COL19A1: variants seen among roughly 807,000 people sequenced by gnomAD.
COL19A1 encodes the protein collagen alpha-1(XIX) chain.
Under a neutral mutation model 190.2 loss-of-function variants are expected in COL19A1, and 159 were observed. The ratio of observed to expected loss-of-function variants is 0.84; its 90% CI spans 0.73 to 0.95. The LOEUF (loss-of-function observed/expected upper bound fraction) is 0.95, where lower values mean the gene tolerates loss of function less well. Ranked by LOEUF, COL19A1 falls within the 40% of genes least tolerant of loss-of-function variation. The probability of loss-of-function intolerance (pLI) is 0.00; values close to 1 mark genes in which losing one functional copy is unlikely to be tolerated. For synonymous variants in COL19A1, 509 were observed against 458.9 expected, an observed-to-expected ratio of 1.11 and a Z score of -1.39; for missense variants, 1,418 against 1,431.9, an observed-to-expected ratio of 0.99 and a Z score of 0.16.
intron 15 of COL19A1, among the ~76,000 whole-genome samples, chr6:70,084,123 C>T (rs1438369337): frequency 1.3e-5 from 2 of 152,092 alleles, no homozygotes; most frequent in Non-Finnish European, 2.9e-5. Context: ...ATAGCTAAAA[C>T]ACCCTCAAGT....
Position 70,156,688 on chromosome 6 carries a change from G to T in COL19A1, c.2257G>T (p.Gly753Cys). 6.2e-7 allele frequency: 1 copy of T among 1,611,690 alleles called. No homozygotes were observed. The highest frequency in any genetic ancestry group is 1.1e-5 in the South Asian group (1 of 90,934). Residue 753 changes from glycine (G) to cysteine (C), a missense_variant, in exon 34 of 51, where the codon GGC (glycine) becomes TGC (cysteine). Transcript: ENST00000620364. ...EGPKGSKGER[G>C]YPGIPGEKGD... ...TTTTTAGGGAAGCAAAGGAGAGCGG[G>T]GCTACCCTGGGATACCTGGGGAGAA...
At chr6:70,188,952 A>T (rs1766693829) in intron 47 of COL19A1, among the ~76,000 whole-genome samples, 1 of 152,222 alleles carries the variant, frequency 6.6e-6, no homozygotes, top group African/African-American at 2.4e-5. Context: ...TGCAATTTTC[A>T]TACTTCTATA....
Position 70,177,086 on chromosome 6 carries a change from T to A in COL19A1, c.2667+522T>A, listed in dbSNP as rs570310863. On this transcript the variant is annotated intron_variant, in intron 42 of 50. Transcript: ENST00000620364. Reference sequence around the variant, plus strand: ...TTGTTGCTCTCTGGTGTCAAATGTTTTAATCTCATCAAGGCCTTTTCAAAT... The same window carrying A: ...TTGTTGCTCTCTGGTGTCAAATGTTATAATCTCATCAAGGCCTTTTCAAAT... 2.0e-5 allele frequency among the ~76,000 whole-genome samples: 3 copies of A among 152,314 alleles called. No homozygotes were observed. The East Asian group carries it at 5.8e-4, about 29-fold the overall frequency.
At chr6:69,966,828 T>A (rs1311048718) in intron 11 of COL19A1, among the ~76,000 whole-genome samples, 4 of 151,572 alleles carry the variant, frequency 2.6e-5, no homozygotes, top group Non-Finnish European at 4.4e-5. Flanking sequence ...TTCATTCACG[T>A]GCTCTTCACT....
At position 69,931,502 on chromosome 6, in the gene COL19A1, A is replaced by G. The variant is rs189744370; in HGVS notation, c.667-1281A>G. ...ATGGATGGTACATAATAGGATTTCA[A>G]TATTTATTGACTATTTTGATAACAG... On this transcript the variant is annotated intron_variant, in intron 6 of 50. Coordinates refer to ENST00000620364, the MANE Select transcript of COL19A1 (RefSeq NM_001858.6). 2.5e-3 allele frequency among the ~76,000 whole-genome samples: 387 copies of G among 152,290 alleles called. 7 individuals carry two copies. Among genetic ancestry groups the G allele is most frequent in the Non-Finnish European group, 9.0e-4 (61 of 68,008 alleles).
intron 13 of COL19A1, among the ~76,000 whole-genome samples, chr6:70,035,344 T>C (rs1488369363): frequency 1.3e-5 from 2 of 152,230 alleles, no homozygotes; most frequent in Admixed American, 1.3e-4. Context: ...TGGAAATTTG[T>C]ATTCACATAG....
intron 27 of COL19A1, among the ~76,000 whole-genome samples, chr6:70,147,529 G>A (rs1473342355): frequency 6.6e-6 from 1 of 152,078 alleles, no homozygotes; most frequent in African/African-American, 2.4e-5. Flanking sequence ...GGAAATAAAT[G>A]GTTATTCTAA....
chr6:69,950,249 C>A (rs987697034), intron 9 of COL19A1, among the ~76,000 whole-genome samples: 6 of 151,906 alleles, frequency 3.9e-5, no homozygotes, highest in African/African-American at 1.2e-4. Context: ...CACTAAACAA[C>A]ACAATTTTAT....
intron 12 of COL19A1, among the ~76,000 whole-genome samples, chr6:70,030,721 A>G (rs577983943): frequency 1.3e-5 from 2 of 152,140 alleles, no homozygotes; most frequent in Non-Finnish European, 2.9e-5. Flanking sequence ...TTCTCTGCTC[A>G]GTGAATGGGA....
intron 18 of COL19A1, 90 bp from the exon 19 acceptor site, chr6:70,137,588 TAGTTAGC>T: frequency 9.2e-7 from 1 of 1,090,744 alleles, no homozygotes; most frequent in Non-Finnish European, 1.4e-6. Context: ...ATAAATTGTA[TAGTTAGC>T]AGGAGAGCAA....
At chr6:69,915,507 T>C (rs1484845308) in intron 4 of COL19A1, among the ~76,000 whole-genome samples, 2 of 152,182 alleles carry the variant, frequency 1.3e-5, no homozygotes, top group Admixed American at 6.5e-5. Context: ...ATTTGTTCAG[T>C]TGATACCCTC....
chr6:69,923,131 A>T (rs893498605), intron 4 of COL19A1, among the ~76,000 whole-genome samples: 2 of 152,188 alleles, frequency 1.3e-5, no homozygotes, highest in African/African-American at 2.4e-5. Flanking sequence ...ACTCCTCAAA[A>T]AAAGCAATAA....
At chr6:70,146,589 T>C (rs756241334) in intron 25 of COL19A1, 70 bp from the exon 26 acceptor site, 67 of 1,142,148 alleles carry the variant, frequency 5.9e-5, no homozygotes, top group Non-Finnish European at 8.0e-5. Context: ...AAACATATTT[T>C]AGTTATAACT....
At chr6:69,942,272 G>A (rs1562019916) in intron 9 of COL19A1, among the ~76,000 whole-genome samples, 1 of 152,050 alleles carries the variant, frequency 6.6e-6, no homozygotes, top group East Asian at 1.9e-4. Flanking sequence ...CGTATTTATG[G>A]AGTAAAGTGT....
At chr6:69,956,005 C>T (rs1049209021) in intron 9 of COL19A1, among the ~76,000 whole-genome samples, 1 of 151,930 alleles carries the variant, frequency 6.6e-6, no homozygotes, top group Non-Finnish European at 1.5e-5. Context: ...TCATCAGATT[C>T]TTTGGTGGAG....
chr6:70,112,210 A>G (rs1784322170), intron 16 of COL19A1, among the ~76,000 whole-genome samples: 1 of 152,130 alleles, frequency 6.6e-6, no homozygotes, highest in African/African-American at 2.4e-5. Flanking sequence ...TTCCTAAGGT[A>G]TGGTTTTTGT....
At chr6:70,205,103 A>G (rs778973760) in intron 49 of COL19A1, among the ~76,000 whole-genome samples, 7 of 152,308 alleles carry the variant, frequency 4.6e-5, no homozygotes, top group Middle Eastern at 3.4e-3. Context: ...AATATCTTTA[A>G]CACAATTTTC....
intron 14 of COL19A1, among the ~76,000 whole-genome samples, chr6:70,037,012 G>C (rs1445499443): frequency 1.3e-5 from 2 of 152,108 alleles, no homozygotes; most frequent in Non-Finnish European, 2.9e-5. Context: ...GAACTAAATA[G>C]ATAACTTACT....
intron 12 of COL19A1, among the ~76,000 whole-genome samples, chr6:70,031,139 A>G: frequency 6.7e-6 from 1 of 150,108 alleles, no homozygotes. Flanking sequence ...TTAACCCCCT[A>G]CTCCTTACCT....
Sources: gnomAD v4.1 joint callset for allele counts (sites outside exome capture counted in the v4.1 genomes callset) on GRCh38, gnomAD v4.1.1 for gene constraint, MANE v1.5 for transcripts, NCBI Gene and HGNC (gene_info 2026-07-23, HGNC 2026-07-21) for gene names.